FAM83C: variants seen among roughly 807,000 people sequenced by gnomAD.
FAM83C encodes the protein scaffolding CK1 anchoring protein C.
A neutral mutation model predicts 27.1 loss-of-function variants in FAM83C; 23 were observed. That is an observed-to-expected ratio of 0.85 (90% CI 0.61 to 1.20). The LOEUF is 1.20. Among genes scored for constraint, FAM83C ranks in the 50% most tolerant of loss-of-function variants. The probability of loss-of-function intolerance (pLI) is 0.00; values close to 1 mark genes in which losing one functional copy is unlikely to be tolerated. For synonymous variants in FAM83C, 426 were observed against 423.1 expected (o/e 1.01, Z -0.09); for missense variants, 984 against 1,001.3 (o/e 0.98, Z 0.23).
rs1449622346 is a variant in FAM83C, at chr20:35,287,551, A to G, written c.1228T>C (p.Tyr410His). The change falls in exon 4 of 4, where the codon TAT becomes CAT. Residue 410 changes from tyrosine to histidine, a missense_variant. Tyr to His is a moderately conservative substitution (Grantham distance 83). Transcript: ENST00000374408. The part of the protein sequence containing the change: ...DPNHGSPPGL[Y>H]RANLGKLGAY... ...CCTAGCTTGCCGAGATTGGCCCTAT[A>G]GAGCCCAGGAGGGGAGCCGTGGTTA... 1 of 1,614,164 alleles carries G rather than the reference A, an allele frequency of 6.2e-7. No homozygotes were observed. The highest frequency in any genetic ancestry group is 8.5e-7 in the Non-Finnish European group (1 of 1,180,006).
In FAM83C at chr20:35,292,377, G is replaced by T. The variant is rs995145170; in HGVS notation, c.-73C>A. The T allele has an allele frequency of 1.7e-5, 24 of 1,432,566 alleles. No individual in the cohort carries two copies. In the African/African-American group the frequency reaches 3.5e-4, roughly 21 times the overall value. The allele number at this position is 1,432,566 out of a possible 1,614,324, so 88.7% of individuals were successfully genotyped here. On this transcript the variant is annotated 5_prime_UTR_variant, in exon 1 of 4. Transcript: ENST00000374408. ...CGCTGGGCTGGCTGCAGCAGGAAGA[G>T]GAGACCAGCAGAACCGCCTTCTGCC...
At chr20:35,289,659 T>C (rs2060840953) in intron 1 of FAM83C, among the ~76,000 whole-genome samples, 1 of 151,888 alleles carries the variant, frequency 6.6e-6, no homozygotes, top group Non-Finnish European at 1.5e-5. Flanking sequence ...TTAATTCTAA[T>C]TTTTTGTAGA....
rs147288270 is a variant in FAM83C, at chr20:35,291,824, G to T, written c.481C>A (p.Leu161Met). The change falls in exon 1 of 4, where the codon CTG becomes ATG. Residue 161 changes from leucine to methionine, a missense_variant. Coordinates refer to ENST00000374408, the MANE Select transcript of FAM83C (RefSeq NM_178468.6). The part of the protein sequence containing the change: ...QRDKAKNIKD[L>M]LRFLFSQAHT... ...GCCTGGCTGAAAAGGAAGCGCAGCA[G>T]GTCCTTGATGTTCTTGGCCTTGTCC... The T allele has an allele frequency of 6.2e-7, 1 of 1,614,078 alleles. No individual in the cohort carries two copies. Among genetic ancestry groups the T allele is most frequent in the African/African-American group, 1.3e-5 (1 of 74,942 alleles).
Position 35,288,779 on chromosome 20 carries a change from G to C in FAM83C, c.681+12C>G. On this transcript the variant is annotated intron_variant, in intron 2 of 3. Coordinates refer to ENST00000374408, the MANE Select transcript of FAM83C (RefSeq NM_178468.6). ...CCCACACCCCTGGTTACTGCCCCTG[G>C]TCCTCACTGACCGGCAGGTGCTCCC... 2 of 1,602,466 alleles carry C rather than the reference G, an allele frequency of 1.2e-6. No homozygotes were observed. Among genetic ancestry groups the C allele is most frequent in the East Asian group, 2.2e-5 (1 of 44,716 alleles).
Position 35,286,382 on chromosome 20 carries a change from T to G in FAM83C, c.*153A>C, listed in dbSNP as rs1221984933. On this transcript the variant is annotated 3_prime_UTR_variant, in exon 4 of 4. Transcript: ENST00000374408. ...GTGTGTGTGTGTGTGTGTGTGTGTG[T>G]GTGTACACAAGAATCTTGAGCCCAG... is the stretch of plus-strand genomic sequence containing the variant. 3 of 622,146 alleles carry G rather than the reference T, an allele frequency of 4.8e-6. No homozygotes were observed. Among genetic ancestry groups the G allele is most frequent in the Non-Finnish European group, 8.3e-6 (3 of 359,734 alleles). 38.5% of individuals were successfully genotyped at this position (622,146 alleles called of 1,614,324 possible). A position where few individuals can be genotyped will look rare whatever the true frequency, so the allele number is the denominator to read the frequency against.
At position 35,286,532 on chromosome 20, in the gene FAM83C, T is replaced by G; in HGVS notation, c.*3A>C. 6.2e-7 allele frequency: 1 copy of G among 1,601,184 alleles called. No homozygotes were observed. The highest frequency in any genetic ancestry group is 8.5e-7 in the Non-Finnish European group (1 of 1,173,228). On this transcript the variant is annotated 3_prime_UTR_variant, in exon 4 of 4. Coordinates refer to ENST00000374408, the MANE Select transcript of FAM83C (RefSeq NM_178468.6). ...CAGTGCACCCCCGATGCCAGTCCTT[T>G]GGCTAGGACTCAAAGCGGCTTCGGA...
In FAM83C at chr20:35,287,655, C is replaced by A. The variant is rs756970015; in HGVS notation, c.1124G>T (p.Gly375Val). The A allele has an allele frequency of 1.2e-6, 2 of 1,613,872 alleles. No individual in the cohort carries two copies. The highest frequency in any genetic ancestry group is 1.7e-5 in the Admixed American group (1 of 59,996). Residue 375 changes from glycine (G) to valine (V), a missense_variant, in exon 4 of 4, where the codon GGT becomes GTT. Transcript: ENST00000374408. ...AGGACCCAGGGACGAGGACACCACACCCGTATCACTGCAATCACCACCTCC... is the reference window on the plus strand; with the variant it reads ...AGGACCCAGGGACGAGGACACCACAACCGTATCACTGCAATCACCACCTCC... ...LPGGGDCSDTGVVSSSLGPAR... is the reference protein window; with the variant it reads ...LPGGGDCSDTVVVSSSLGPAR...
rs775834426 is a variant in FAM83C, at chr20:35,288,880, C to T, written c.592G>A (p.Val198Ile). Residue 198 changes from valine to isoleucine, a missense_variant, in exon 2 of 4, where the codon GTC (valine) becomes ATC (isoleucine). Val to Ile is a conservative substitution (Grantham distance 29, BLOSUM62 3). Coordinates refer to ENST00000374408, the MANE Select transcript of FAM83C (RefSeq NM_178468.6). ...DLMEASSRRG[V>I]PVYLLLAQEH... ...TGGGCAAGGAGCAGGTACACAGGGA[C>T]ACCACGCCGGCTTGAGGCCTCCATG... The T allele has an allele frequency of 6.2e-7, 1 of 1,614,184 alleles. No individual in the cohort carries two copies. Among genetic ancestry groups the T allele is most frequent in the East Asian group, 2.2e-5 (1 of 44,888 alleles).
rs780955642 is a variant in FAM83C, at chr20:35,286,744, T to A, written c.2035A>T (p.Lys679Ter). Residue 679 changes from lysine to a stop codon, truncating the protein, a stop_gained, in exon 4 of 4, where the codon AAG (lysine) becomes TAG (stop). Transcript: ENST00000374408. LOFTEE classifies it high-confidence loss of function. ...DEKRLTLGHS[K>*]LDLITKYHQL... is the part of the protein sequence containing the mutation. The stretch of plus-strand genomic sequence containing the variant: ...TGATACTTGGTGATGAGGTCCAGCT[T>A]GCTGTGGCCCAGGGTTAGCCGTTTC... The A allele has an allele frequency of 1.2e-6, 2 of 1,613,976 alleles. No individual in the cohort carries two copies. Among genetic ancestry groups the A allele is most frequent in the Admixed American group, 3.3e-5 (2 of 59,994 alleles).
chr20:35,291,533 C>A (rs147895526), intron 1 of FAM83C, among the ~76,000 whole-genome samples: 1 of 152,356 alleles, frequency 6.6e-6, no homozygotes, highest in African/African-American at 2.4e-5. Flanking sequence ...TGCACCACTT[C>A]GTGTGCATTT....
intron 2 of FAM83C, 102 bp from the exon 3 acceptor site, chr20:35,288,687 C>T: frequency 6.4e-7 from 1 of 1,555,560 alleles, no homozygotes; most frequent in Non-Finnish European, 8.7e-7. Flanking sequence ...GAACCCACCC[C>T]CCACTCCCAG....
In FAM83C at chr20:35,287,233, T is replaced by A. The variant is rs769597275; in HGVS notation, c.1546A>T (p.Arg516Ter). 1 of 1,612,912 alleles carries A rather than the reference T, an allele frequency of 6.2e-7. No individual in the cohort carries two copies. Among genetic ancestry groups the A allele is most frequent in the Non-Finnish European group, 8.5e-7 (1 of 1,179,966 alleles). Residue 516 changes from arginine to a stop codon, truncating the protein, a stop_gained, in exon 4 of 4, where the codon AGA (arginine) becomes TGA (stop). Coordinates refer to ENST00000374408, the MANE Select transcript of FAM83C (RefSeq NM_178468.6). LOFTEE classifies it low-confidence loss of function (END_TRUNC). The part of the protein sequence containing the change: ...GQLDLLVPFP[R>*]AREVGDPDSG... ...TCAGGGTCTCCCACTTCTCGGGCTCTGGGGAAGGGGACAAGGAGATCCAGC... is the reference window on the plus strand; with the variant it reads ...TCAGGGTCTCCCACTTCTCGGGCTCAGGGGAAGGGGACAAGGAGATCCAGC...
chr20:35,287,372 C>T lies in FAM83C; in HGVS notation c.1407G>A (p.Gly469=), dbSNP rs767025231. The T allele has an allele frequency of 5.0e-6, 8 of 1,613,924 alleles. No homozygotes were observed. In the South Asian group the frequency reaches 5.5e-5, roughly 11 times the overall value. ...APALSRFPEN[G]LPGSQEPSPL... Reference sequence around the variant, plus strand: ...GGCTGGGCTCTTGGCTTCCTGGGAGCCCATTCTCTGGGAACCGGGACAGAG... The same window carrying T: ...GGCTGGGCTCTTGGCTTCCTGGGAGTCCATTCTCTGGGAACCGGGACAGAG... The change falls in exon 4 of 4, where the codon GGG becomes GGA. Residue 469 remains glycine (G), a synonymous_variant. Coordinates refer to ENST00000374408, the MANE Select transcript of FAM83C (RefSeq NM_178468.6).
rs772399074 is a variant in FAM83C at position 35,291,837 on chromosome 20, C to A, written c.468G>T (p.Lys156Asn). ...AVVHFQRDKA[K>N]NIKDLLRFLF... Reference sequence around the variant, plus strand: ...GGAAGCGCAGCAGGTCCTTGATGTTCTTGGCCTTGTCCCTCTGGAAGTGGA... The same window carrying A: ...GGAAGCGCAGCAGGTCCTTGATGTTATTGGCCTTGTCCCTCTGGAAGTGGA... Residue 156 changes from lysine to asparagine, a missense_variant, in exon 1 of 4, where the codon AAG (lysine) becomes AAT (asparagine). Transcript: ENST00000374408. The A allele has an allele frequency of 6.2e-7, 1 of 1,614,182 alleles. No homozygotes were observed. Among genetic ancestry groups the A allele is most frequent in the South Asian group, 1.1e-5 (1 of 91,080 alleles).
Position 35,287,388 on chromosome 20 carries a change from C to T in FAM83C, c.1391G>A (p.Arg464Gln), listed in dbSNP as rs765772286. Reference sequence around the variant, plus strand: ...TCCTGGGAGCCCATTCTCTGGGAACCGGGACAGAGCTGGGGCACCCCGATG... The same window carrying T: ...TCCTGGGAGCCCATTCTCTGGGAACTGGGACAGAGCTGGGGCACCCCGATG... ...QFHRGAPALS[R>Q]FPENGLPGSQ... The change falls in exon 4 of 4, where the codon CGG becomes CAG. Residue 464 changes from arginine (R) to glutamine (Q), a missense_variant. Transcript: ENST00000374408. 2.3e-5 allele frequency: 37 copies of T among 1,613,860 alleles called. No individual in the cohort carries two copies. Among genetic ancestry groups the T allele is most frequent in the South Asian group, 6.6e-5 (6 of 91,080 alleles).
At position 35,292,345 on chromosome 20, in the gene FAM83C, G is replaced by T; in HGVS notation, c.-41C>A. 1.4e-6 allele frequency: 2 copies of T among 1,444,750 alleles called. No individual in the cohort carries two copies. Among genetic ancestry groups the T allele is most frequent in the Non-Finnish European group, 9.0e-7 (1 of 1,106,450 alleles). The allele number at this position is 1,444,750 out of a possible 1,614,324, so 89.5% of individuals were successfully genotyped here. On this transcript the variant is annotated 5_prime_UTR_variant, in exon 1 of 4. Transcript: ENST00000374408. ...GCCTCACCCGCCGGCAGGGCCCATG[G>T]CCCGCACGCTGGGCTGGCTGCAGCA...
rs774402011 is a variant in FAM83C, at chr20:35,288,797, G to A, written c.675C>T (p.His225=). ...MCYKMDLNGE[H]LPNMRVRSTC... ...GCCCCTGGTCCTCACTGACCGGCAG[G>A]TGCTCCCCATTGAGGTCCATCTTGT... The change falls in exon 2 of 4, where the codon CAC becomes CAT. Residue 225 remains histidine (H), a synonymous_variant. Transcript: ENST00000374408. 5 of 1,610,042 alleles carry A rather than the reference G, an allele frequency of 3.1e-6. No individual in the cohort carries two copies. In the South Asian group the frequency reaches 4.4e-5, roughly 14 times the overall value.
rs927567487 is a variant in FAM83C at position 35,292,244 on chromosome 20, C to T, written c.61G>A (p.Gly21Ser). The T allele has an allele frequency of 2.6e-6, 4 of 1,559,994 alleles. No individual in the cohort carries two copies. In the African/African-American group the frequency reaches 5.4e-5, roughly 21 times the overall value. The change falls in exon 1 of 4, where the codon GGC becomes AGC. Residue 21 changes from glycine (G) to serine (S), a missense_variant. Transcript: ENST00000374408. ...GGCAGCTTCAGCTCTTCCACCCGGC[C>T]CCGCAGGGGTCCCGCCATGCCCTGG... Reference protein sequence around the residue: ...GAQGMAGPLRGRVEELKLPWW... With the variant: ...GAQGMAGPLRSRVEELKLPWW...
At chr20:35,288,716 G>A in intron 2 of FAM83C, 75 bp downstream of exon 2, 1 of 1,535,494 alleles carries the variant, frequency 6.5e-7, no homozygotes, top group Non-Finnish European at 8.8e-7. Flanking sequence ...AGTGCTGACT[G>A]GCCACCCACT....
Sources: allele counts gnomAD v4.1 joint callset (sites outside exome capture counted in the v4.1 genomes callset), GRCh38; gene constraint gnomAD v4.1.1; transcripts MANE v1.5; gene names NCBI Gene and HGNC (gene_info 2026-07-23, HGNC 2026-07-21).